PPP2R2B: variants seen among roughly 807,000 people sequenced by gnomAD.
PPP2R2B encodes the protein serine/threonine-protein phosphatase 2A 55 kDa regulatory subunit B beta isoform.
A neutral mutation model predicts 46.0 loss-of-function variants in PPP2R2B; 5 were observed. The ratio of observed to expected loss-of-function variants is 0.11; its 90% CI spans 0.06 to 0.23. The LOEUF (loss-of-function observed/expected upper bound fraction) is 0.23, where lower values mean the gene tolerates loss of function less well. PPP2R2B is among the 10% of genes least tolerant of loss of function. The pLI, the probability that PPP2R2B is intolerant of heterozygous loss-of-function variation, is 1.00. For synonymous variants in PPP2R2B, 215 were observed against 206.7 expected (o/e 1.04, Z -0.34); for missense variants, 367 against 575.0 (o/e 0.64, Z 3.70).
Position 146,589,585 on chromosome 5 carries a change from C to CTT in PPP2R2B, c.*360_*361dup, listed in dbSNP as rs759354197. 8 of 176,306 alleles carry CTT rather than the reference C, an allele frequency of 4.5e-5. No homozygotes were observed. Among genetic ancestry groups the CTT allele is most frequent in the Admixed American group, 1.2e-4 (2 of 17,014 alleles). 10.9% of individuals were successfully genotyped at this position (176,306 alleles called of 1,614,324 possible). On this transcript the variant is annotated 3_prime_UTR_variant, in exon 10 of 10. Coordinates refer to ENST00000394411, the MANE Select transcript of PPP2R2B (RefSeq NM_181675.4). ...TTGCTTAATTAAAAAAAACTTATCT[C>CTT]TTTTCTCCTTAAATACTACAGACAA... is the stretch of plus-strand genomic sequence containing the variant.
chr5:146,976,377 T>A (rs1474772529), intron 1 of PPP2R2B, among the ~76,000 whole-genome samples: 2 of 152,042 alleles, frequency 1.3e-5, no homozygotes, highest in African/African-American at 2.4e-5. Context: ...CCTCAAGTGA[T>A]CCACTCACCT....
intron 2 of PPP2R2B, among the ~76,000 whole-genome samples, chr5:146,793,829 C>T (rs936738066): frequency 1.3e-5 from 2 of 152,170 alleles, no homozygotes; most frequent in Non-Finnish European, 2.9e-5. Flanking sequence ...TAGGGTTATA[C>T]TGAGCTGCAA....
rs1394122017 is a variant in PPP2R2B at position 146,812,740 on chromosome 5, A to G, written c.70+65262T>C. Among the ~76,000 whole-genome samples, 9 of 66,146 alleles carry G rather than the reference A, an allele frequency of 1.4e-4. 1 individual carries two copies. In the East Asian group the frequency reaches 2.7e-3, roughly 20 times the overall value. 43.4% of individuals were successfully genotyped at this position (66,146 alleles called of 152,430 possible). On this transcript the variant is annotated intron_variant, in intron 2 of 9. Coordinates refer to ENST00000394411, the MANE Select transcript of PPP2R2B (RefSeq NM_181675.4). Reference sequence around the variant, plus strand: ...AGAGTTACTTTATATATATATATATATATATACTGCTATCACTAGAGTTAC... The same window carrying G: ...AGAGTTACTTTATATATATATATATGTATATACTGCTATCACTAGAGTTAC...
chr5:146,695,255 TG>T (rs1779109369), intron 4 of PPP2R2B, among the ~76,000 whole-genome samples: 1 of 152,194 alleles, frequency 6.6e-6, no homozygotes, highest in Non-Finnish European at 1.5e-5. Context: ...TCTCTCTGGA[TG>T]GGAACACTTT....
intron 2 of PPP2R2B, among the ~76,000 whole-genome samples, chr5:146,792,142 G>A (rs568858358): frequency 1.1e-4 from 17 of 152,258 alleles, no homozygotes; most frequent in Non-Finnish European, 1.8e-4. Flanking sequence ...TATTGAACCC[G>A]GGTAACATAG....
intron 2 of PPP2R2B, among the ~76,000 whole-genome samples, chr5:146,749,638 C>T (rs1334592963): frequency 8.1e-6 from 1 of 123,840 alleles, no homozygotes; most frequent in Non-Finnish European, 1.6e-5. Flanking sequence ...GAGATGGAGT[C>T]TCAGTCTGTC....
intron 1 of PPP2R2B, among the ~76,000 whole-genome samples, chr5:146,992,006 T>C (rs1753717315): frequency 6.6e-6 from 1 of 152,126 alleles, no homozygotes; most frequent in Admixed American, 6.5e-5. Flanking sequence ...AAATTTTTCA[T>C]AGAAATAGAA....
At chr5:146,604,987 T>A (rs999565173) in intron 7 of PPP2R2B, among the ~76,000 whole-genome samples, 26 of 152,128 alleles carry the variant, frequency 1.7e-4, no homozygotes, top group African/African-American at 6.3e-4. Flanking sequence ...CCAGGTACAC[T>A]GGAAAGAACA....
intron 2 of PPP2R2B, among the ~76,000 whole-genome samples, chr5:146,727,698 A>G (rs1751962190): frequency 6.6e-6 from 1 of 152,148 alleles, no homozygotes; most frequent in Non-Finnish European, 1.5e-5. Context: ...TAAAAAATAA[A>G]CAAAATACCC....
chr5:146,637,415 C>T (rs1410318053), intron 7 of PPP2R2B, among the ~76,000 whole-genome samples: 2 of 152,142 alleles, frequency 1.3e-5, no homozygotes, highest in African/African-American at 4.8e-5. Context: ...ACAGCCCCTT[C>T]CCCGAAACAA....
intron 1 of PPP2R2B, among the ~76,000 whole-genome samples, chr5:146,931,983 T>C (rs765650021): frequency 2.0e-5 from 3 of 152,204 alleles, no homozygotes; most frequent in African/African-American, 7.2e-5. Context: ...TATCCATGTC[T>C]GGTCATCAGC....
At chr5:147,081,174 G>A (rs1344400405) in intron 1 of PPP2R2B, 2 of 1,535,194 alleles carry the variant, frequency 1.3e-6, no homozygotes, top group East Asian at 2.4e-5. Flanking sequence ...GGTTAGGTAA[G>A]AGCTCCCAGT....
At chr5:147,036,248 A>G (rs1242366936) in intron 1 of PPP2R2B, among the ~76,000 whole-genome samples, 3 of 152,132 alleles carry the variant, frequency 2.0e-5, no homozygotes, top group Non-Finnish European at 4.4e-5. Flanking sequence ...TCCCACTTAT[A>G]AGACATAACA....
intron 6 of PPP2R2B, among the ~76,000 whole-genome samples, chr5:146,642,341 T>C (rs1018294861): frequency 5.9e-5 from 9 of 152,130 alleles, no homozygotes; most frequent in African/African-American, 1.9e-4. Context: ...GATGAGGGAA[T>C]GGAGAGGGTC....
chr5:146,747,853 T>C (rs191309287), intron 2 of PPP2R2B, among the ~76,000 whole-genome samples: 1 of 152,300 alleles, frequency 6.6e-6, no homozygotes, highest in African/African-American at 2.4e-5. Flanking sequence ...AACAGAACAG[T>C]TGTGAATTTT....
chr5:146,767,002 CGA>C (rs1421344741), intron 2 of PPP2R2B, among the ~76,000 whole-genome samples: 1 of 136,730 alleles, frequency 7.3e-6, no homozygotes, highest in Non-Finnish European at 1.5e-5. Context: ...TGCAGTGAGC[CGA>C]GACCACACCA....
At chr5:146,904,679 A>G (rs1017517473) in intron 1 of PPP2R2B, among the ~76,000 whole-genome samples, 1 of 152,202 alleles carries the variant, frequency 6.6e-6, no homozygotes, top group African/African-American at 2.4e-5. Flanking sequence ...GTATAGAATG[A>G]AAGAGACTGC....
chr5:146,788,574 T>C (rs1488757156), intron 2 of PPP2R2B, among the ~76,000 whole-genome samples: 1 of 151,796 alleles, frequency 6.6e-6, no homozygotes, highest in African/African-American at 2.4e-5. Context: ...CTACTGAAAA[T>C]ACAAATATTA....
chr5:146,870,539 T>C (rs1243577983), intron 2 of PPP2R2B, among the ~76,000 whole-genome samples: 1 of 152,134 alleles, frequency 6.6e-6, no homozygotes, highest in African/African-American at 2.4e-5. Flanking sequence ...ACTCCAGAAA[T>C]GTGAGAAAAC....
Sources: gnomAD v4.1 joint callset for allele counts (sites outside exome capture counted in the v4.1 genomes callset) on GRCh38, gnomAD v4.1.1 for gene constraint, MANE v1.5 for transcripts, NCBI Gene and HGNC (gene_info 2026-07-23, HGNC 2026-07-21) for gene names.